Variants in RORA observed in about 807,000 individuals in gnomAD.
RORA encodes the protein nuclear receptor ROR-alpha.
Under a neutral mutation model 69.5 loss-of-function variants are expected in RORA, and 7 were observed. That is an observed-to-expected ratio of 0.10 (90% CI 0.06 to 0.19). RORA has a LOEUF of 0.19. Ranked by LOEUF, RORA falls within the 10% of genes least tolerant of loss-of-function variation. The pLI is 1.00. For synonymous variants in RORA, 261 were observed against 240.8 expected, an observed-to-expected ratio of 1.08 and a Z score of -0.78; for missense variants, 457 against 663.0, an observed-to-expected ratio of 0.69 and a Z score of 3.41.
chr15:60,549,772 A>G (rs2067178277), intron 2 of RORA, among the ~76,000 whole-genome samples: 1 of 152,192 alleles, frequency 6.6e-6, no homozygotes, highest in South Asian at 2.1e-4. Context: ...AATCAACAAA[A>G]CAAACAATAA....
At chr15:61,026,051 G>C (rs1213399478) in intron 1 of RORA, among the ~76,000 whole-genome samples, 1 of 152,124 alleles carries the variant, frequency 6.6e-6, no homozygotes, top group Non-Finnish European at 1.5e-5. Flanking sequence ...CATTAAAGTG[G>C]AATATGAATT....
At chr15:60,849,262 C>T (rs1567213110) in intron 1 of RORA, among the ~76,000 whole-genome samples, 2 of 152,190 alleles carry the variant, frequency 1.3e-5, no homozygotes, top group East Asian at 3.8e-4. Context: ...TGAACTAATG[C>T]CTGACACATA....
chr15:60,532,867 T>G (rs1282219720), intron 2 of RORA, among the ~76,000 whole-genome samples: 4 of 152,346 alleles, frequency 2.6e-5, no homozygotes, highest in African/African-American at 9.6e-5. Context: ...GATTACCTAC[T>G]GAGTTACACA....
intron 1 of RORA, among the ~76,000 whole-genome samples, chr15:60,860,396 GC>G (rs1049934124): frequency 3.3e-5 from 5 of 152,168 alleles, no homozygotes; most frequent in African/African-American, 9.7e-5. Context: ...TCGAGATTGT[GC>G]CAAACCTCAA....
chr15:60,919,248 C>T lies in RORA; in HGVS notation c.167-240562G>A, dbSNP rs1236544480. ...GCATGGGGAGGAGAAACCCACACAA[C>T]GGGGTGCCTGGCATATGAAGAATAA... On this transcript the variant is annotated intron_variant, in intron 1 of 10. Transcript: ENST00000335670. Among the ~76,000 whole-genome samples, 19 of 152,118 alleles carry T rather than the reference C, an allele frequency of 1.2e-4. 1 individual carries two copies. The highest frequency in any genetic ancestry group is 4.1e-4 in the South Asian group (2 of 4,824).
intron 1 of RORA, among the ~76,000 whole-genome samples, chr15:60,918,242 C>G (rs1485247928): frequency 6.6e-6 from 1 of 152,206 alleles, no homozygotes; most frequent in African/African-American, 2.4e-5. Flanking sequence ...TTCAAGGAAC[C>G]ATGAGAAAAC....
Position 60,494,262 on chromosome 15 carries a change from C to G in RORA, c.*3193G>C, listed in dbSNP as rs1303304645. 2.0e-5 allele frequency: 3 copies of G among 152,078 alleles called. No homozygotes were observed. Among genetic ancestry groups the G allele is most frequent in the African/African-American group, 7.2e-5 (3 of 41,406 alleles). The allele number at this position is 152,078 out of a possible 1,614,324, so 9.4% of individuals were successfully genotyped here. Reference sequence around the variant, plus strand: ...TCTGTACTTTTGTTTGCATTGTGACCAAGGCCAGGTTTTTCACAATATAAT... The same window carrying G: ...TCTGTACTTTTGTTTGCATTGTGACGAAGGCCAGGTTTTTCACAATATAAT... On this transcript the variant is annotated 3_prime_UTR_variant, in exon 11 of 11. Transcript: ENST00000335670.
chr15:60,620,104 C>A (rs919560746), intron 2 of RORA, among the ~76,000 whole-genome samples: 2 of 152,224 alleles, frequency 1.3e-5, no homozygotes, highest in Non-Finnish European at 2.9e-5. Context: ...TAACCAAACT[C>A]TGTTGCTTTA....
intron 1 of RORA, among the ~76,000 whole-genome samples, chr15:61,201,181 C>G (rs1596068237): frequency 6.6e-6 from 1 of 152,310 alleles, no homozygotes; most frequent in South Asian, 2.1e-4. Context: ...GTCCCAGGTA[C>G]CCAAGCAAAG....
At chr15:60,540,799 T>G (rs1016112825) in intron 2 of RORA, among the ~76,000 whole-genome samples, 1 of 152,158 alleles carries the variant, frequency 6.6e-6, no homozygotes, top group Non-Finnish European at 1.5e-5. Flanking sequence ...TGGTAAAAGA[T>G]TGGAAATAAC....
intron 2 of RORA, among the ~76,000 whole-genome samples, chr15:60,619,826 A>G (rs946892491): frequency 1.3e-5 from 2 of 152,246 alleles, no homozygotes; most frequent in Non-Finnish European, 2.9e-5. Flanking sequence ...CCAGAACCAC[A>G]GGCATTGTTT....
intron 1 of RORA, among the ~76,000 whole-genome samples, chr15:60,729,412 G>C (rs530329649): frequency 1.3e-5 from 2 of 152,308 alleles, no homozygotes; most frequent in South Asian, 2.1e-4. Context: ...GGGGACAACA[G>C]AGTCAGGAGT....
intron 2 of RORA, chr15:60,592,348 C>A (rs1303632117): frequency 1.5e-6 from 2 of 1,374,150 alleles, no homozygotes; most frequent in Admixed American, 3.0e-5. Context: ...CCCCCGGAGC[C>A]GCCAGCCCAC....
intron 1 of RORA, among the ~76,000 whole-genome samples, chr15:61,196,644 T>A (rs9888719): frequency 1.3e-5 from 2 of 152,218 alleles, no homozygotes; most frequent in East Asian, 1.9e-4. Context: ...GAAATATGTC[T>A]CAAACAACTG....
chr15:60,510,873 A>ATT (rs113383793), intron 5 of RORA, among the ~76,000 whole-genome samples: 105 of 147,976 alleles, frequency 7.1e-4, no homozygotes, highest in African/African-American at 2.4e-3. Flanking sequence ...GTGGACTGCC[A>ATT]TTTTTTTTTT....
chr15:60,750,397 C>T (rs567319246), intron 1 of RORA, among the ~76,000 whole-genome samples: 2 of 152,310 alleles, frequency 1.3e-5, no homozygotes, highest in Admixed American at 1.3e-4. Context: ...ATACAGAGAA[C>T]AATTGTGCAG....
intron 1 of RORA, among the ~76,000 whole-genome samples, chr15:61,132,430 C>G (rs755193087): frequency 6.6e-6 from 1 of 152,048 alleles, no homozygotes; most frequent in Non-Finnish European, 1.5e-5. Context: ...TTACCCTTGA[C>G]CCGATTTTAT....
intron 1 of RORA, among the ~76,000 whole-genome samples, chr15:60,991,637 C>A (rs970945935): frequency 6.6e-6 from 1 of 152,108 alleles, no homozygotes; most frequent in Non-Finnish European, 1.5e-5. Flanking sequence ...GCAGCTCACA[C>A]CTGTAATCCC....
intron 2 of RORA, among the ~76,000 whole-genome samples, chr15:60,599,038 A>G (rs1216883690): frequency 6.6e-6 from 1 of 152,234 alleles, no homozygotes; most frequent in East Asian, 1.9e-4. Flanking sequence ...AATGCTTATA[A>G]TGTAAGGCAG....
Sources: gnomAD v4.1 joint callset for allele counts (sites outside exome capture counted in the v4.1 genomes callset) on GRCh38, gnomAD v4.1.1 for gene constraint, MANE v1.5 for transcripts, NCBI Gene and HGNC (gene_info 2026-07-23, HGNC 2026-07-21) for gene names.